The following TNKS variants were observed in gnomAD, a reference collection of about 807,000 sequenced individuals.
TNKS encodes poly [ADP-ribose] polymerase tankyrase-1.
In TNKS, 72 loss-of-function variants were observed where a neutral mutation model predicts 135.8. That is an observed-to-expected ratio of 0.53 (90% CI 0.44 to 0.64). The LOEUF (loss-of-function observed/expected upper bound fraction) is 0.64, where lower values mean the gene tolerates loss of function less well. Among genes scored for constraint, TNKS ranks in the 30% least tolerant of loss-of-function variants. The pLI is 0.00. For missense variants in TNKS, 1,769 were observed against 1,674.0 expected (o/e 1.06, Z -0.99); for synonymous variants, 849 against 649.3 (o/e 1.31, Z -4.68).
intron 5 of TNKS, among the ~76,000 whole-genome samples, chr8:9,683,249 T>C (rs1451240025): frequency 6.6e-6 from 1 of 152,036 alleles, no homozygotes; most frequent in Non-Finnish European, 1.5e-5. Flanking sequence ...CAGTTTGTTT[T>C]TATTTTCTTC....
chr8:9,663,536 T>C (rs987164846), intron 3 of TNKS, among the ~76,000 whole-genome samples: 2 of 152,226 alleles, frequency 1.3e-5, no homozygotes, highest in African/African-American at 4.8e-5. Context: ...TAACACTGTC[T>C]GCTTGGAATT....
At chr8:9,754,338 A>G (rs990768622) in intron 20 of TNKS, among the ~76,000 whole-genome samples, 11 of 152,154 alleles carry the variant, frequency 7.2e-5, no homozygotes, top group African/African-American at 2.4e-4. Context: ...TTTTAGAATA[A>G]ATCTGTTTTT....
rs1563105965 is a variant in TNKS at position 9,598,739 on chromosome 8, G to GTC, written c.899-16842_899-16841insCT. 5.7e-4 allele frequency among the ~76,000 whole-genome samples: 69 copies of GTC among 121,116 alleles called. 2 individuals carry two copies. Among genetic ancestry groups the GTC allele is most frequent in the African/African-American group, 1.5e-3 (47 of 30,352 alleles). 79.5% of individuals were successfully genotyped at this position (121,116 alleles called of 152,430 possible). A position where few individuals can be genotyped will look rare whatever the true frequency, so the allele number is the denominator to read the frequency against. On this transcript the variant is annotated intron_variant, in intron 2 of 26. Coordinates refer to ENST00000310430, the MANE Select transcript of TNKS (RefSeq NM_003747.3). ...TGTGTGTGTGTGTGTGTGTGTCTGT[G>GTC]TGTGTATATATGTATATGTGTGTGT...
At chr8:9,565,749 C>T (rs867377428) in intron 1 of TNKS, among the ~76,000 whole-genome samples, 4 of 151,868 alleles carry the variant, frequency 2.6e-5, no homozygotes, top group Non-Finnish European at 4.4e-5. Context: ...CCCAGCTACT[C>T]GGGAGGCTGA....
chr8:9,644,243 A>G lies in TNKS; in HGVS notation c.994+28566A>G, dbSNP rs145947696. 1.6e-3 allele frequency among the ~76,000 whole-genome samples: 237 copies of G among 152,300 alleles called. 1 individual carries two copies. Among genetic ancestry groups the G allele is most frequent in the African/African-American group, 5.4e-3 (224 of 41,570 alleles). The stretch of plus-strand genomic sequence containing the variant: ...TATGCTTAATGCCACTGTGTACTTA[A>G]AAGTGGTTAAGGTGATAAATTTGGG... On this transcript the variant is annotated intron_variant, in intron 3 of 26. Coordinates refer to ENST00000310430, the MANE Select transcript of TNKS (RefSeq NM_003747.3).
intron 20 of TNKS, among the ~76,000 whole-genome samples, chr8:9,756,419 C>T (rs1284686584): frequency 2.6e-5 from 4 of 151,858 alleles, no homozygotes; most frequent in African/African-American, 9.7e-5. Flanking sequence ...CTTTAACTGA[C>T]ACGTGGATAA....
intron 2 of TNKS, among the ~76,000 whole-genome samples, chr8:9,594,011 C>G (rs910064967): frequency 1.3e-5 from 2 of 152,044 alleles, no homozygotes; most frequent in South Asian, 4.1e-4. Flanking sequence ...CTCAGCCTCC[C>G]GAATAGCTGG....
At chr8:9,556,759 C>G in intron 1 of TNKS, 147 bp downstream of exon 1, 4 of 795,942 alleles carry the variant, frequency 5.0e-6, no homozygotes, top group Admixed American at 3.2e-5. Flanking sequence ...AGGTTCCTTT[C>G]TTTTGGTGGT....
rs146134416 is a variant in TNKS, at chr8:9,608,357, GCT to G, written c.899-7220_899-7219del. 8.3e-3 allele frequency among the ~76,000 whole-genome samples: 1,262 copies of G among 152,176 alleles called. 16 individuals carry two copies. The highest frequency in any genetic ancestry group is 0.029 in the African/African-American group (1,193 of 41,490). ...AATAGTTTTGACTTTGTAGATCCTG[GCT>G]CTCTGTTCTAGGTCATGCTGCTTAT... On this transcript the variant is annotated intron_variant, in intron 2 of 26. Transcript: ENST00000310430.
At chr8:9,725,784 C>G (rs1485043308) in intron 12 of TNKS, among the ~76,000 whole-genome samples, 1 of 152,190 alleles carries the variant, frequency 6.6e-6, no homozygotes, top group African/African-American at 2.4e-5. Flanking sequence ...TTTTGGTTGA[C>G]ATATTATAAA....
chr8:9,636,859 C>G (rs1276940364), intron 3 of TNKS, among the ~76,000 whole-genome samples: 6 of 152,166 alleles, frequency 3.9e-5, no homozygotes, highest in Admixed American at 3.9e-4. Context: ...GTATATATGA[C>G]TGCAATATGT....
chr8:9,753,748 T>C (rs761322309), intron 20 of TNKS, among the ~76,000 whole-genome samples: 1 of 152,150 alleles, frequency 6.6e-6, no homozygotes, highest in African/African-American at 2.4e-5. Context: ...AAGGAAGATA[T>C]CTTGTTACAA....
At chr8:9,765,481 T>C (rs1321879245) in intron 23 of TNKS, among the ~76,000 whole-genome samples, 1 of 152,122 alleles carries the variant, frequency 6.6e-6, no homozygotes, top group African/African-American at 2.4e-5. Context: ...CAGCCAGGTC[T>C]GGTATAGAAC....
chr8:9,772,809 T>TTGTGTGTGTGTGTGTGTGTG (rs368113364), intron 26 of TNKS, among the ~76,000 whole-genome samples: 24 of 86,588 alleles, frequency 2.8e-4, no homozygotes, highest in African/African-American at 9.2e-4. Context: ...GTGTGTGTGT[T>TTGTGTGTGTGTGTGTGTGTG]TGTGTGTGTG....
chr8:9,694,087 C>A (rs1803401934), intron 5 of TNKS, among the ~76,000 whole-genome samples: 1 of 152,184 alleles, frequency 6.6e-6, no homozygotes, highest in East Asian at 1.9e-4. Context: ...TGAGGACTTA[C>A]AGCTTCACAG....
At chr8:9,748,238 T>G (rs1424171668) in intron 18 of TNKS, 26 bp downstream of exon 18, 3 of 1,446,354 alleles carry the variant, frequency 2.1e-6, no homozygotes, top group Non-Finnish European at 2.8e-6. Flanking sequence ...AGATACTGAT[T>G]ATTGTTCCTT....
At chr8:9,636,443 T>G in intron 3 of TNKS, among the ~76,000 whole-genome samples, 1 of 152,198 alleles carries the variant, frequency 6.6e-6, no homozygotes, top group Middle Eastern at 3.2e-3. Context: ...GACTTTTTTT[T>G]TCTTTTTCTT....
chr8:9,585,303 A>G (rs1281518104), intron 2 of TNKS, among the ~76,000 whole-genome samples: 1 of 152,184 alleles, frequency 6.6e-6, no homozygotes, highest in Non-Finnish European at 1.5e-5. Context: ...ATCTGGGAAC[A>G]TCAACGTCAT....
At chr8:9,607,585 A>G (rs76593001) in intron 2 of TNKS, among the ~76,000 whole-genome samples, 1,722 of 152,292 alleles carry the variant, frequency 0.011, 29 homozygotes, top group African/African-American at 0.038. Context: ...TTGCCTATGT[A>G]CCTATGTATG....
Sources: gnomAD v4.1 joint callset for allele counts (sites outside exome capture counted in the v4.1 genomes callset) on GRCh38, gnomAD v4.1.1 for gene constraint, MANE v1.5 for transcripts, NCBI Gene and HGNC (gene_info 2026-07-23, HGNC 2026-07-21) for gene names.